The following VGLL4 variants were observed in gnomAD, a reference collection of about 807,000 sequenced individuals.
VGLL4 encodes vestigial like family member 4.
A neutral mutation model predicts 21.0 loss-of-function variants in VGLL4; 7 were observed. The ratio of observed to expected loss-of-function variants is 0.33; its 90% CI spans 0.19 to 0.63. The LOEUF is 0.63. Among genes scored for constraint, VGLL4 ranks in the 20% least tolerant of loss-of-function variants. VGLL4 has a pLI of 0.78. For synonymous variants in VGLL4, 222 were observed against 173.2 expected (o/e 1.28, Z -2.21); for missense variants, 394 against 425.7 (o/e 0.93, Z 0.66).
intron 2 of VGLL4, among the ~76,000 whole-genome samples, chr3:11,693,748 A>G (rs895587247): frequency 6.6e-6 from 1 of 152,212 alleles, no homozygotes; most frequent in African/African-American, 2.4e-5. Flanking sequence ...ACTGTCCCCG[A>G]GCACACGCTA....
chr3:11,573,279 GAA>G (rs58858146), intron 2 of VGLL4, among the ~76,000 whole-genome samples: 1 of 15,450 alleles, frequency 6.5e-5, no homozygotes, highest in African/African-American at 2.6e-4. Flanking sequence ...AAGAAAGAAA[GAA>G]AGAAAGAAAG....
intron 3 of VGLL4, among the ~76,000 whole-genome samples, chr3:11,563,378 T>G (rs1016107950): frequency 3.3e-5 from 5 of 152,174 alleles, no homozygotes; most frequent in Non-Finnish European, 7.3e-5. Context: ...AGCAGAAAGG[T>G]CCACTGCCCA....
chr3:11,701,151 A>G (rs1242034878), intron 2 of VGLL4, among the ~76,000 whole-genome samples: 1 of 152,072 alleles, frequency 6.6e-6, no homozygotes, highest in Admixed American at 6.6e-5. Flanking sequence ...AAGGCCTAGT[A>G]TGAGGTGTTT....
chr3:11,627,595 C>CAAAAAAAAAAAAAAAAAAAAAAAAAAA (rs57607183), intron 1 of VGLL4, among the ~76,000 whole-genome samples: 2 of 118,818 alleles, frequency 1.7e-5, no homozygotes, highest in African/African-American at 3.3e-5. Flanking sequence ...AACTTCATCT[C>CAAAAAAAAAAAAAAAAAAAAAAAAAAA]AAAAAAAAAA....
intron 2 of VGLL4, among the ~76,000 whole-genome samples, chr3:11,599,088 T>A (rs1018045580): frequency 2.0e-5 from 3 of 152,150 alleles, no homozygotes; most frequent in South Asian, 2.1e-4. Flanking sequence ...CACGAAGAAG[T>A]AAGACAGGCA....
intron 2 of VGLL4, among the ~76,000 whole-genome samples, chr3:11,692,859 G>T (rs2076549327): frequency 1.3e-5 from 2 of 152,140 alleles, no homozygotes; most frequent in East Asian, 3.9e-4. Context: ...TACTGCAAAG[G>T]CTCTTGCTAT....
intron 2 of VGLL4, among the ~76,000 whole-genome samples, chr3:11,654,638 C>T (rs1447848767): frequency 1.3e-5 from 2 of 152,200 alleles, no homozygotes; most frequent in Non-Finnish European, 2.9e-5. Flanking sequence ...CTGTAAGTAT[C>T]TTAAAATATT....
intron 2 of VGLL4, among the ~76,000 whole-genome samples, chr3:11,670,101 A>T (rs1044309448): frequency 4.6e-5 from 7 of 151,478 alleles, no homozygotes; most frequent in African/African-American, 1.7e-4. Context: ...TGCGGGGAAC[A>T]TGTCTGTTTC....
intron 1 of VGLL4, among the ~76,000 whole-genome samples, chr3:11,704,383 CAAAAAAAAAAAAAA>C (rs57593843): frequency 8.7e-5 from 6 of 69,152 alleles, no homozygotes; most frequent in Admixed American, 1.9e-4. Flanking sequence ...AACTCCGTCT[CAAAAAAAAAAAAAA>C]AAAAAAAAGA....
intron 1 of VGLL4, among the ~76,000 whole-genome samples, chr3:11,709,837 A>C (rs2076815095): frequency 6.6e-6 from 1 of 152,162 alleles, no homozygotes; most frequent in Non-Finnish European, 1.5e-5. Flanking sequence ...CAACAAGGGG[A>C]CATGAGTACC....
At position 11,643,700 on chromosome 3, in the gene VGLL4, G is replaced by A. The variant is rs1045783570; in HGVS notation, c.-182C>T. 3.2e-5 allele frequency: 46 copies of A among 1,424,250 alleles called. No individual in the cohort carries two copies. In the Admixed American group the frequency reaches 5.4e-4, roughly 17 times the overall value. 88.2% of individuals were successfully genotyped at this position (1,424,250 alleles called of 1,614,324 possible). A position where few individuals can be genotyped will look rare whatever the true frequency, so the allele number is the denominator to read the frequency against. On this transcript the variant is annotated 5_prime_UTR_variant, in exon 1 of 5. Coordinates refer to ENST00000430365, the MANE Select transcript of VGLL4 (RefSeq NM_001128219.3). ...AAAAAAAATCAGGCACAAAAAAATC[G>A]AGCTCACACGAAACCCTTCAAGGGC...
intron 1 of VGLL4, among the ~76,000 whole-genome samples, chr3:11,638,708 G>A (rs981402830): frequency 2.6e-5 from 4 of 152,226 alleles, no homozygotes; most frequent in Middle Eastern, 3.4e-3. Flanking sequence ...ACCAGGAGAG[G>A]GTACGAAATG....
chr3:11,620,124 T>A (rs1449592873), intron 1 of VGLL4, among the ~76,000 whole-genome samples: 2 of 152,192 alleles, frequency 1.3e-5, no homozygotes, highest in African/African-American at 4.8e-5. Flanking sequence ...TGAATTCATT[T>A]CGTACTCCTA....
At position 11,565,550 on chromosome 3, in the gene VGLL4, C is replaced by G. The variant is rs1426218358; in HGVS notation, c.273-531G>C. 6.6e-6 allele frequency among the ~76,000 whole-genome samples: 1 copy of G among 152,196 alleles called. No individual in the cohort carries two copies. Among genetic ancestry groups the G allele is most frequent in the Non-Finnish European group, 1.5e-5 (1 of 68,036 alleles). On this transcript the variant is annotated intron_variant, in intron 2 of 4. Transcript: ENST00000430365. This position sits in a 1 kb window ranked among gnomAD's most constrained non-coding sequence, Gnocchi z 4.1. ...CCATCCCCTTTCCAGACCAGAACCCCAAGACTCAAGAGTGGTGGAATAATC... is the reference window on the plus strand; with the variant it reads ...CCATCCCCTTTCCAGACCAGAACCCGAAGACTCAAGAGTGGTGGAATAATC...
intron 2 of VGLL4, among the ~76,000 whole-genome samples, chr3:11,677,248 T>C (rs1452151642): frequency 6.6e-6 from 1 of 152,068 alleles, no homozygotes; most frequent in Non-Finnish European, 1.5e-5. Context: ...GGGTATAATT[T>C]GTAATATTTT....
chr3:11,665,901 G>A (rs2076116315), intron 2 of VGLL4, among the ~76,000 whole-genome samples: 1 of 152,256 alleles, frequency 6.6e-6, no homozygotes, highest in Non-Finnish European at 1.5e-5. Context: ...AGGCTGCTCT[G>A]AGAAGGTGCC....
At chr3:11,640,790 C>T (rs1333390532) in intron 1 of VGLL4, among the ~76,000 whole-genome samples, 1 of 152,068 alleles carries the variant, frequency 6.6e-6, no homozygotes, top group African/African-American at 2.4e-5. Context: ...CTAAAAAGAT[C>T]GATTTGCGTA....
intron 2 of VGLL4, among the ~76,000 whole-genome samples, chr3:11,588,250 G>A (rs190689453): frequency 9.8e-5 from 15 of 152,330 alleles, no homozygotes; most frequent in African/African-American, 3.4e-4. Context: ...TTCAGCCCCT[G>A]GTCTGGTGGA....
chr3:11,641,949 C>T (rs1238325162), intron 1 of VGLL4, among the ~76,000 whole-genome samples: 1 of 151,696 alleles, frequency 6.6e-6, no homozygotes, highest in African/African-American at 2.4e-5. Flanking sequence ...TATCGTATTA[C>T]TTGTTGGCAA....
Sources: allele counts gnomAD v4.1 joint callset (sites outside exome capture counted in the v4.1 genomes callset), GRCh38; gene constraint gnomAD v4.1.1; non-coding constraint Gnocchi (gnomAD v3.1); transcripts MANE v1.5; gene names NCBI Gene and HGNC (gene_info 2026-07-23, HGNC 2026-07-21).